MARCHF1: variants seen among roughly 807,000 people sequenced by gnomAD.
The protein encoded by MARCHF1 is membrane associated ring-CH-type finger 1.
Under a neutral mutation model 54.2 loss-of-function variants are expected in MARCHF1, and 40 were observed. That is an observed-to-expected ratio of 0.74 (90% CI 0.57 to 0.96). The LOEUF (loss-of-function observed/expected upper bound fraction) is 0.96, where lower values mean the gene tolerates loss of function less well. MARCHF1 is among the 40% of genes least tolerant of loss of function. The probability of loss-of-function intolerance (pLI) is 0.00; values close to 1 mark genes in which losing one functional copy is unlikely to be tolerated. For missense variants in MARCHF1, 586 were observed against 656.5 expected, an observed-to-expected ratio of 0.89 and a Z score of 1.17; for synonymous variants, 236 against 236.3, an observed-to-expected ratio of 1.00 and a Z score of 0.01.
At chr4:163,640,335 G>A (rs1190149102) in intron 5 of MARCHF1, among the ~76,000 whole-genome samples, 3 of 152,128 alleles carry the variant, frequency 2.0e-5, no homozygotes, top group Non-Finnish European at 4.4e-5. Flanking sequence ...ATGCTTCCAT[G>A]AAGCCATATC....
chr4:163,825,271 G>A (rs1748816114), intron 4 of MARCHF1, among the ~76,000 whole-genome samples: 1 of 151,934 alleles, frequency 6.6e-6, no homozygotes, highest in African/African-American at 2.4e-5. Context: ...AAGAACATGA[G>A]CTTGTTACTT....
chr4:164,245,408 GC>G (rs1297766048), intron 1 of MARCHF1, among the ~76,000 whole-genome samples: 1 of 152,184 alleles, frequency 6.6e-6, no homozygotes. Flanking sequence ...GATGCTTCAT[GC>G]TAAAAACTCT....
At chr4:163,857,448 C>A (rs898628056) in intron 3 of MARCHF1, among the ~76,000 whole-genome samples, 1 of 151,822 alleles carries the variant, frequency 6.6e-6, no homozygotes, top group Admixed American at 6.6e-5. Context: ...TATAATTAAC[C>A]CCAAAGCACT....
intron 3 of MARCHF1, among the ~76,000 whole-genome samples, chr4:163,908,297 T>C (rs2111327338): frequency 6.6e-6 from 1 of 152,274 alleles, no homozygotes; most frequent in Middle Eastern, 3.4e-3. Flanking sequence ...ACCTATGACA[T>C]GCAGCATGTT....
chr4:163,904,101 C>A (rs1299040312), intron 3 of MARCHF1, among the ~76,000 whole-genome samples: 2 of 152,118 alleles, frequency 1.3e-5, no homozygotes, highest in East Asian at 1.9e-4. Flanking sequence ...AATTACTTAA[C>A]TGTGACTAAT....
intron 1 of MARCHF1, among the ~76,000 whole-genome samples, chr4:164,343,390 T>C (rs1454383699): frequency 6.6e-6 from 1 of 151,988 alleles, no homozygotes; most frequent in Non-Finnish European, 1.5e-5. Flanking sequence ...TTCTGCAGGG[T>C]AAAAGAAACT....
At chr4:164,245,123 T>C (rs972326875) in intron 1 of MARCHF1, among the ~76,000 whole-genome samples, 4 of 152,124 alleles carry the variant, frequency 2.6e-5, no homozygotes, top group African/African-American at 9.7e-5. Flanking sequence ...CCAGCATCAT[T>C]CTGATACCAA....
At chr4:163,767,961 T>A (rs1052166117) in intron 4 of MARCHF1, among the ~76,000 whole-genome samples, 1 of 152,216 alleles carries the variant, frequency 6.6e-6, no homozygotes, top group Admixed American at 6.5e-5. Flanking sequence ...GTCTTTTTCC[T>A]GTTTGGTTTA....
intron 3 of MARCHF1, among the ~76,000 whole-genome samples, chr4:163,898,955 T>C (rs944118227): frequency 6.6e-6 from 1 of 152,154 alleles, no homozygotes; most frequent in African/African-American, 2.4e-5. Context: ...AAATACCACA[T>C]GTTCTCACTT....
chr4:163,918,438 T>C (rs937796296), intron 3 of MARCHF1, among the ~76,000 whole-genome samples: 10 of 152,116 alleles, frequency 6.6e-5, no homozygotes, highest in Non-Finnish European at 1.5e-4. Context: ...GAGAAATATA[T>C]GGAGGCATTT....
chr4:164,050,314 C>T lies in MARCHF1; in HGVS notation c.-248+61274G>A, dbSNP rs187638646. On this transcript the variant is annotated intron_variant, in intron 2 of 9. Coordinates refer to ENST00000514618, the MANE Select transcript of MARCHF1 (RefSeq NM_001394959.1). ...AAAAAAAAAAAAAAAAAGGCCCTAG[C>T]TTTTATCCTTCAGTTCATCCTCCCA... Among the ~76,000 whole-genome samples, 164 of 127,178 alleles carry T rather than the reference C, an allele frequency of 1.3e-3. 1 individual carries two copies. Among genetic ancestry groups the T allele is most frequent in the African/African-American group, 4.0e-3 (143 of 35,378 alleles). 83.4% of individuals were successfully genotyped at this position (127,178 alleles called of 152,430 possible).
chr4:163,675,041 A>C (rs1390245659), intron 5 of MARCHF1, among the ~76,000 whole-genome samples: 1 of 152,208 alleles, frequency 6.6e-6, no homozygotes, highest in East Asian at 1.9e-4. Context: ...TCCTCAAGTC[A>C]GAAGAGTTGA....
At position 163,811,898 on chromosome 4, in the gene MARCHF1, T is replaced by C. The variant is rs143729273; in HGVS notation, c.111+42123A>G. Among the ~76,000 whole-genome samples, 471 of 152,214 alleles carry C rather than the reference T, an allele frequency of 3.1e-3. 3 individuals carry two copies. Among genetic ancestry groups the C allele is most frequent in the African/African-American group, 0.011 (448 of 41,534 alleles). ...TAGCCAGTTAAACATTATTTCTGAG[T>C]GTGTCTGCAGAGGGATTTCCAGGAG... On this transcript the variant is annotated intron_variant, in intron 4 of 9. Transcript: ENST00000514618.
At chr4:164,044,052 C>A (rs189995409) in intron 2 of MARCHF1, among the ~76,000 whole-genome samples, 69 of 152,254 alleles carry the variant, frequency 4.5e-4, no homozygotes, top group African/African-American at 1.6e-3. Flanking sequence ...TGCTCAAAAC[C>A]ATTCAACAAC....
chr4:163,777,042 G>C (rs1747328155), intron 4 of MARCHF1, among the ~76,000 whole-genome samples: 1 of 152,064 alleles, frequency 6.6e-6, no homozygotes, highest in Non-Finnish European at 1.5e-5. Flanking sequence ...TATTTAAAGA[G>C]AAAAGACATA....
At chr4:163,925,081 T>A (rs1361640700) in intron 3 of MARCHF1, among the ~76,000 whole-genome samples, 1 of 151,876 alleles carries the variant, frequency 6.6e-6, no homozygotes, top group Non-Finnish European at 1.5e-5. Flanking sequence ...TAAGAAAAAC[T>A]GTAACCACTG....
At chr4:163,635,787 A>G (rs1167382877) in intron 5 of MARCHF1, among the ~76,000 whole-genome samples, 1 of 152,148 alleles carries the variant, frequency 6.6e-6, no homozygotes, top group Non-Finnish European at 1.5e-5. Context: ...CAGACACACA[A>G]CCAAAAAAGA....
rs978512529 is a variant in MARCHF1 at position 164,003,274 on chromosome 4, GA to G, written c.-247-14566del. 4.6e-5 allele frequency among the ~76,000 whole-genome samples: 7 copies of G among 150,976 alleles called. No individual in the cohort carries two copies. The South Asian group carries it at 6.3e-4, about 14-fold the overall frequency. On this transcript the variant is annotated intron_variant, in intron 2 of 9. Transcript: ENST00000514618. Reference sequence around the variant, plus strand: ...ATCCAAAATAAGTCATGAAGAAGTAGAAAAAAAATAAAAACAAAAAGAACAA... The same window carrying G: ...ATCCAAAATAAGTCATGAAGAAGTAGAAAAAAATAAAAACAAAAAGAACAA...
intron 1 of MARCHF1, among the ~76,000 whole-genome samples, chr4:164,156,855 C>T (rs1730091972): frequency 6.6e-6 from 1 of 152,166 alleles, no homozygotes; most frequent in African/African-American, 2.4e-5. Flanking sequence ...TATGCAAAAA[C>T]TCCACCAGCT....
Sources: allele counts gnomAD v4.1 joint callset (sites outside exome capture counted in the v4.1 genomes callset), GRCh38; gene constraint gnomAD v4.1.1; transcripts MANE v1.5; gene names NCBI Gene and HGNC (gene_info 2026-07-23, HGNC 2026-07-21).